The following MRTFA variants were observed in gnomAD, a reference collection of about 807,000 sequenced individuals.
The protein encoded by MRTFA is myocardin related transcription factor A.
Under a neutral mutation model 83.5 loss-of-function variants are expected in MRTFA, and 20 were observed. The ratio of observed to expected loss-of-function variants is 0.24; its 90% CI spans 0.17 to 0.35. The LOEUF (loss-of-function observed/expected upper bound fraction) is 0.35, where lower values mean the gene tolerates loss of function less well. MRTFA is among the 10% of genes least tolerant of loss of function. The probability of loss-of-function intolerance (pLI) is 1.00; values close to 1 mark genes in which losing one functional copy is unlikely to be tolerated. For missense variants in MRTFA, 1,200 were observed against 1,224.7 expected, an observed-to-expected ratio of 0.98 and a Z score of 0.30; for synonymous variants, 659 against 541.2, an observed-to-expected ratio of 1.22 and a Z score of -3.02.
In MRTFA at chr22:40,420,536, C is replaced by A. The variant is rs1465518369; in HGVS notation, c.1222G>T (p.Val408Leu). 6.2e-7 allele frequency: 1 copy of A among 1,613,682 alleles called. No individual in the cohort carries two copies. The highest frequency in any genetic ancestry group is 2.2e-5 in the East Asian group (1 of 44,886). The change falls in exon 11 of 15, where the codon GTA becomes TTA. Residue 408 changes from valine to leucine, a missense_variant. Transcript: ENST00000355630. ...CTATTGGTAGTGGAGAGGCTGCGTACTGGGGGGGTCCCGCTGCTTCCCAGG... is the reference window on the plus strand; with the variant it reads ...CTATTGGTAGTGGAGAGGCTGCGTAATGGGGGGGTCCCGCTGCTTCCCAGG...
chr22:40,575,533 T>C (rs1413604284), intron 2 of MRTFA, among the ~76,000 whole-genome samples: 1 of 152,200 alleles, frequency 6.6e-6, no homozygotes, highest in African/African-American at 2.4e-5. Flanking sequence ...AAATGGTATA[T>C]GTTAAAAGAC....
At chr22:40,613,315 T>C (rs2056408577) in intron 1 of MRTFA, among the ~76,000 whole-genome samples, 3 of 152,246 alleles carry the variant, frequency 2.0e-5, no homozygotes, top group African/African-American at 7.2e-5. Flanking sequence ...CATGGTTTTT[T>C]GTTGACTGTA....
intron 4 of MRTFA, among the ~76,000 whole-genome samples, chr22:40,438,989 T>C (rs2053223253): frequency 6.6e-6 from 1 of 152,232 alleles, no homozygotes; most frequent in East Asian, 1.9e-4. Context: ...TTTAAACCTG[T>C]TAGCTAATTT....
At chr22:40,619,648 G>C (rs1038092382) in intron 1 of MRTFA, among the ~76,000 whole-genome samples, 2 of 152,034 alleles carry the variant, frequency 1.3e-5, no homozygotes, top group African/African-American at 4.8e-5. Flanking sequence ...CCAGCACTTT[G>C]GGAGGCCGAG....
Position 40,416,812 on chromosome 22 carries a change from G to A in MRTFA, c.2578+174C>T, listed in dbSNP as rs1476160399. 1.3e-5 allele frequency among the ~76,000 whole-genome samples: 2 copies of A among 152,164 alleles called. No homozygotes were observed. The highest frequency in any genetic ancestry group is 2.9e-5 in the Non-Finnish European group (2 of 68,026). ...CAGCTGAAGGACGGCACCTTCCCTG[G>A]TCCTCTCGCCCAGGCCTTGGAGACG... On this transcript the variant is annotated intron_variant, in intron 14 of 14. Coordinates refer to ENST00000355630, the MANE Select transcript of MRTFA (RefSeq NM_020831.6). This position sits in a 1 kb window ranked among gnomAD's most constrained non-coding sequence, Gnocchi z 4.2.
At chr22:40,412,447 A>G (rs1192251622) in intron 14 of MRTFA, 2 of 152,264 alleles carry the variant, frequency 1.3e-5, no homozygotes, top group Non-Finnish European at 2.9e-5. Context: ...TTAAAAATAG[A>G]ATTACCATAT....
chr22:40,635,347 TC>T (rs1282565149), intron 1 of MRTFA, among the ~76,000 whole-genome samples: 1 of 48,110 alleles, frequency 2.1e-5, no homozygotes, highest in Admixed American at 1.1e-4. Flanking sequence ...TGACAATAAG[TC>T]TTAACGTTAC....
At chr22:40,445,378 G>T (rs1027351702) in intron 4 of MRTFA, among the ~76,000 whole-genome samples, 1 of 152,070 alleles carries the variant, frequency 6.6e-6, no homozygotes, top group Non-Finnish European at 1.5e-5. Flanking sequence ...CATTTCCTAA[G>T]AATAAGGACA....
intron 4 of MRTFA, among the ~76,000 whole-genome samples, chr22:40,452,140 C>T (rs2053504383): frequency 6.6e-6 from 1 of 152,008 alleles, no homozygotes; most frequent in African/African-American, 2.4e-5. Context: ...CGTGCCATCA[C>T]ACCCAGCTAA....
At chr22:40,532,555 T>C (rs1343963268) in intron 3 of MRTFA, among the ~76,000 whole-genome samples, 4 of 152,168 alleles carry the variant, frequency 2.6e-5, no homozygotes, top group African/African-American at 9.7e-5. Context: ...CTCATTATGG[T>C]CATATTAGTA....
intron 1 of MRTFA, among the ~76,000 whole-genome samples, chr22:40,622,194 T>C (rs1241848820): frequency 6.6e-6 from 1 of 152,058 alleles, no homozygotes. Flanking sequence ...AAATTAAGAA[T>C]TTTGGGGCCG....
rs944762487 is a variant in MRTFA at position 40,411,140 on chromosome 22, C to A, written c.*250G>T. On this transcript the variant is annotated 3_prime_UTR_variant, in exon 15 of 15. Coordinates refer to ENST00000355630, the MANE Select transcript of MRTFA (RefSeq NM_020831.6). ...GGAGGTCAAGCTGAAATGGCCCTGA[C>A]CCTGACCGTGTGTCCAAAACCCCAG... 1.0e-5 allele frequency: 4 copies of A among 396,312 alleles called. No individual in the cohort carries two copies. Among genetic ancestry groups the A allele is most frequent in the Non-Finnish European group, 1.8e-5 (4 of 222,918 alleles). 24.5% of individuals were successfully genotyped at this position (396,312 alleles called of 1,614,324 possible).
intron 1 of MRTFA, among the ~76,000 whole-genome samples, chr22:40,636,024 G>A (rs1009521499): frequency 6.6e-6 from 1 of 152,194 alleles, no homozygotes; most frequent in African/African-American, 2.4e-5. Context: ...CAGCATTCAG[G>A]TTTGCTATAC....
chr22:40,532,451 C>A (rs2055097932), intron 3 of MRTFA, among the ~76,000 whole-genome samples: 4 of 152,126 alleles, frequency 2.6e-5, no homozygotes, highest in Admixed American at 1.3e-4. Flanking sequence ...TTCAGATAAG[C>A]ACACTATCTT....
In MRTFA at chr22:40,449,775, C is replaced by CTCCT. The variant is rs560464230; in HGVS notation, c.307+13442_307+13445dup. 2.0e-3 allele frequency among the ~76,000 whole-genome samples: 304 copies of CTCCT among 152,324 alleles called. 1 individual carries two copies. Among genetic ancestry groups the CTCCT allele is most frequent in the Non-Finnish European group, 3.4e-3 (231 of 68,030 alleles). The stretch of plus-strand genomic sequence containing the variant: ...GGGTAAAGAGTTTTAATTTCCTGGA[C>CTCCT]TCCTTTCAGGATCATTGCAATGCAT... On this transcript the variant is annotated intron_variant, in intron 4 of 14. Transcript: ENST00000355630.
At chr22:40,462,001 C>G (rs150851630) in intron 4 of MRTFA, among the ~76,000 whole-genome samples, 152 of 152,300 alleles carry the variant, frequency 1.0e-3, no homozygotes, top group African/African-American at 3.0e-3. Context: ...TTTTTCTTCT[C>G]TCTGAGCCCT....
intron 1 of MRTFA, among the ~76,000 whole-genome samples, chr22:40,607,686 T>C (rs1178612971): frequency 6.6e-6 from 1 of 152,188 alleles, no homozygotes; most frequent in Non-Finnish European, 1.5e-5. Flanking sequence ...CACCTAGCCA[T>C]CAGTGCAATC....
chr22:40,578,334 C>G (rs1569337286), intron 2 of MRTFA, among the ~76,000 whole-genome samples: 1 of 152,152 alleles, frequency 6.6e-6, no homozygotes, highest in Non-Finnish European at 1.5e-5. Flanking sequence ...GGAGGAAAGT[C>G]AAACTTGAAA....
chr22:40,528,975 T>C (rs1356625598), intron 3 of MRTFA, among the ~76,000 whole-genome samples: 1 of 152,174 alleles, frequency 6.6e-6, no homozygotes, highest in Non-Finnish European at 1.5e-5. Context: ...CCAAAAGATT[T>C]AGAGCATTAA....
Sources: gnomAD v4.1 joint callset for allele counts (sites outside exome capture counted in the v4.1 genomes callset) on GRCh38, gnomAD v4.1.1 for gene constraint, Gnocchi (gnomAD v3.1) non-coding constraint, MANE v1.5 for transcripts, NCBI Gene and HGNC (gene_info 2026-07-23, HGNC 2026-07-21) for gene names.